Variants in CSMD1 observed in about 807,000 individuals in gnomAD.
CSMD1 encodes the protein CUB and Sushi multiple domains 1, also known as CUB and sushi domain-containing protein 1.
A neutral mutation model predicts 417.5 loss-of-function variants in CSMD1; 213 were observed. The observed-to-expected ratio is 0.51, with a 90% CI of 0.46 to 0.57. The LOEUF is 0.57. Among genes scored for constraint, CSMD1 ranks in the 20% least tolerant of loss-of-function variants. The pLI is 0.00. For synonymous variants in CSMD1, 2,862 were observed against 1,736.8 expected, an observed-to-expected ratio of 1.65 and a Z score of -16.11; for missense variants, 6,923 against 4,529.7, an observed-to-expected ratio of 1.53 and a Z score of -15.17.
At chr8:4,460,848 G>C (rs951163048) in intron 2 of CSMD1, among the ~76,000 whole-genome samples, 2 of 152,130 alleles carry the variant, frequency 1.3e-5, no homozygotes, top group East Asian at 3.9e-4. Context: ...CAAACATTGA[G>C]AGTAGAATTA....
chr8:4,312,201 C>G (rs1798622805), intron 3 of CSMD1, among the ~76,000 whole-genome samples: 1 of 151,778 alleles, frequency 6.6e-6, no homozygotes, highest in Non-Finnish European at 1.5e-5. Context: ...TACACACTAT[C>G]TATATGCATG....
At chr8:3,715,624 C>T (rs180839170) in intron 6 of CSMD1, among the ~76,000 whole-genome samples, 1 of 152,286 alleles carries the variant, frequency 6.6e-6, no homozygotes, top group East Asian at 1.9e-4. Flanking sequence ...CTCACTGCAA[C>T]CTCCACCTCC....
At chr8:3,897,805 G>T (rs1053818280) in intron 5 of CSMD1, among the ~76,000 whole-genome samples, 1 of 152,086 alleles carries the variant, frequency 6.6e-6, no homozygotes, top group South Asian at 2.1e-4. Context: ...TATTTGCTTC[G>T]TAAGTTCATC....
At chr8:4,606,110 C>G (rs575688624) in intron 2 of CSMD1, among the ~76,000 whole-genome samples, 4 of 152,224 alleles carry the variant, frequency 2.6e-5, no homozygotes, top group Non-Finnish European at 2.9e-5. Flanking sequence ...ATTGATCGAG[C>G]TGAAATGACT....
intron 37 of CSMD1, among the ~76,000 whole-genome samples, chr8:3,163,663 T>G (rs1019733496): frequency 2.7e-5 from 4 of 149,586 alleles, no homozygotes; most frequent in Non-Finnish European, 5.9e-5. Flanking sequence ...GATTAAGAAC[T>G]TCAAAACCAG....
rs375699604 is a variant in CSMD1 at position 4,154,270 on chromosome 8, A to T, written c.416-122171T>A. On this transcript the variant is annotated intron_variant, in intron 3 of 69. Coordinates refer to ENST00000635120, the MANE Select transcript of CSMD1 (RefSeq NM_033225.6). The stretch of plus-strand genomic sequence containing the variant: ...AGTTTCTGGCAAACAGTAATGCTAA[A>T]AAATAAATAAATAAATAAGATGTTT... Among the ~76,000 whole-genome samples the T allele has an allele frequency of 3.5e-3, 531 of 152,040 alleles. 3 individuals are homozygous for T. The highest frequency in any genetic ancestry group is 0.012 in the African/African-American group (508 of 41,538).
intron 3 of CSMD1, among the ~76,000 whole-genome samples, chr8:4,143,869 C>A (rs1297985568): frequency 6.6e-6 from 1 of 151,078 alleles, no homozygotes; most frequent in African/African-American, 2.5e-5. Flanking sequence ...TCAGTTACCC[C>A]TTATCTGGAT....
intron 1 of CSMD1, among the ~76,000 whole-genome samples, chr8:4,682,989 T>TATAA (rs1806144501): frequency 9.2e-6 from 1 of 108,400 alleles, no homozygotes; most frequent in Non-Finnish European, 1.9e-5. Context: ...TATATATATA[T>TATAA]ATATAGTCAC....
At chr8:4,722,137 A>G (rs1359367119) in intron 1 of CSMD1, among the ~76,000 whole-genome samples, 1 of 152,114 alleles carries the variant, frequency 6.6e-6, no homozygotes, top group Non-Finnish European at 1.5e-5. Context: ...TATACTGGAA[A>G]TTTACTAAGA....
chr8:3,604,238 C>T (rs993559549), intron 8 of CSMD1, among the ~76,000 whole-genome samples: 10 of 151,966 alleles, frequency 6.6e-5, no homozygotes, highest in Non-Finnish European at 8.8e-5. Flanking sequence ...GAAGCATAGA[C>T]GTGCATAGAA....
intron 9 of CSMD1, among the ~76,000 whole-genome samples, chr8:3,579,258 C>T (rs1275067481): frequency 2.0e-5 from 3 of 151,840 alleles, no homozygotes; most frequent in African/African-American, 4.9e-5. Context: ...CCAATGCATG[C>T]CATTTTGACA....
chr8:3,300,116 A>C (rs1445245304), intron 25 of CSMD1, among the ~76,000 whole-genome samples: 1 of 152,236 alleles, frequency 6.6e-6, no homozygotes, highest in African/African-American at 2.4e-5. Flanking sequence ...AGGCAATGGA[A>C]TACTATCCGG....
At chr8:3,351,403 G>A (rs1234707490) in intron 21 of CSMD1, among the ~76,000 whole-genome samples, 1 of 151,718 alleles carries the variant, frequency 6.6e-6, no homozygotes, top group Non-Finnish European at 1.5e-5. Context: ...CTGAGGTCAG[G>A]AGTTGAAGAC....
intron 3 of CSMD1, among the ~76,000 whole-genome samples, chr8:4,101,457 G>T (rs1239228072): frequency 6.6e-6 from 1 of 152,140 alleles, no homozygotes; most frequent in African/African-American, 2.4e-5. Context: ...CTCTGACACT[G>T]TCAAAACAAA....
intron 3 of CSMD1, among the ~76,000 whole-genome samples, chr8:4,409,642 CTTTTTTT>C (rs61368925): frequency 1.4e-5 from 2 of 141,848 alleles, no homozygotes; most frequent in Non-Finnish European, 1.5e-5. Context: ...GACTTTTTTT[CTTTTTTT>C]TTTTTTTTTT....
At chr8:3,596,709 C>A (rs147149358) in intron 8 of CSMD1, among the ~76,000 whole-genome samples, 1 of 152,182 alleles carries the variant, frequency 6.6e-6, no homozygotes, top group East Asian at 1.9e-4. Flanking sequence ...TTAAGGAGCA[C>A]CACACAAAAC....
chr8:3,116,849 A>C (rs1332183479), intron 42 of CSMD1, among the ~76,000 whole-genome samples: 1 of 152,148 alleles, frequency 6.6e-6, no homozygotes, highest in African/African-American at 2.4e-5. Flanking sequence ...AATCCTGATA[A>C]TTTCAAAAGA....
At chr8:3,034,521 T>C (rs1025113012) in intron 50 of CSMD1, among the ~76,000 whole-genome samples, 1 of 152,190 alleles carries the variant, frequency 6.6e-6, no homozygotes, top group Non-Finnish European at 1.5e-5. Context: ...AAACACACAT[T>C]ACATATATAA....
intron 52 of CSMD1, among the ~76,000 whole-genome samples, chr8:3,009,973 T>C (rs1265893407): frequency 2.0e-5 from 3 of 152,226 alleles, no homozygotes; most frequent in Admixed American, 6.5e-5. Flanking sequence ...TTTTTATCTA[T>C]TCCTGTCTCA....
Sources: allele counts gnomAD v4.1 joint callset (sites outside exome capture counted in the v4.1 genomes callset), GRCh38; gene constraint gnomAD v4.1.1; transcripts MANE v1.5; gene names NCBI Gene and HGNC (gene_info 2026-07-23, HGNC 2026-07-21).